TYK2: variants seen among roughly 807,000 people sequenced by gnomAD.
The protein encoded by TYK2 is tyrosine kinase 2, also known as non-receptor tyrosine-protein kinase TYK2.
Under a neutral mutation model 130.9 loss-of-function variants are expected in TYK2, and 65 were observed. That is an observed-to-expected ratio of 0.50 (90% CI 0.41 to 0.61). TYK2 has a LOEUF of 0.61. Among genes scored for constraint, TYK2 ranks in the 20% least tolerant of loss-of-function variants. TYK2 has a pLI of 0.00. For missense variants in TYK2, 1,378 were observed against 1,610.7 expected (o/e 0.86, Z 2.47); for synonymous variants, 647 against 658.9 (o/e 0.98, Z 0.28).
In TYK2 at chr19:10,352,568, A is replaced by C; in HGVS notation, c.3201-17T>G. 2.7e-5 allele frequency: 31 copies of C among 1,131,292 alleles called. No homozygotes were observed. Among genetic ancestry groups the C allele is most frequent in the Non-Finnish European group, 3.5e-5 (28 of 789,620 alleles). 70.1% of individuals were successfully genotyped at this position (1,131,292 alleles called of 1,614,324 possible). A position where few individuals can be genotyped will look rare whatever the true frequency, so the allele number is the denominator to read the frequency against. ...GGGGCATACCTAGGGGGAGGGGGGCACTCAGGCCACGGGGGGCTGCACTGA... is the reference window on the plus strand; with the variant it reads ...GGGGCATACCTAGGGGGAGGGGGGCCCTCAGGCCACGGGGGGCTGCACTGA... On this transcript the variant is annotated splice_polypyrimidine_tract_variant and intron_variant, in intron 22 of 24. Transcript: ENST00000525621.
At position 10,379,434 on chromosome 19, in the gene TYK2, G is replaced by A. The variant is rs1468103531; in HGVS notation, c.-21+181C>T. 3.3e-5 allele frequency among the ~76,000 whole-genome samples: 5 copies of A among 150,560 alleles called. 1 individual carries two copies. Among genetic ancestry groups the A allele is most frequent in the South Asian group, 4.2e-4 (2 of 4,802 alleles). ...TCCCAGCACTTTGGGAGGCCAAGGC[G>A]GACAGATCACGAGGTCTGGAGATTG... On this transcript the variant is annotated intron_variant, in intron 2 of 24. Coordinates refer to ENST00000525621, the MANE Select transcript of TYK2 (RefSeq NM_003331.5).
chr19:10,367,427 C>A (rs2041710788), intron 5 of TYK2, among the ~76,000 whole-genome samples: 1 of 152,066 alleles, frequency 6.6e-6, no homozygotes, highest in African/African-American at 2.4e-5. Context: ...GAGTTTGAGA[C>A]CAGCCTGGCC....
In TYK2 at chr19:10,353,869, C is replaced by CA. The variant is rs763073939; in HGVS notation, c.2908+172dup. The CA allele has an allele frequency of 2.2e-5, 17 of 775,402 alleles. No individual in the cohort carries two copies. The highest frequency in any genetic ancestry group is 3.6e-5 in the Non-Finnish European group (17 of 475,778). The allele number at this position is 775,402 out of a possible 1,614,324, so 48.0% of individuals were successfully genotyped here. Reference sequence around the variant, plus strand: ...CCTGGCCCCAGCAGGTAGCACCCCCCAGATGGGAAGGAGGCAGCCCAGCCA... The same window carrying CA: ...CCTGGCCCCAGCAGGTAGCACCCCCCAAGATGGGAAGGAGGCAGCCCAGCCA... On this transcript the variant is annotated intron_variant, in intron 20 of 24. Coordinates refer to ENST00000525621, the MANE Select transcript of TYK2 (RefSeq NM_003331.5). This position sits in a 1 kb window ranked among gnomAD's most constrained non-coding sequence, Gnocchi z 6.9.
At position 10,364,745 on chromosome 19, in the gene TYK2, C is replaced by A; in HGVS notation, c.1236G>T (p.Ala412=). The A allele has an allele frequency of 6.2e-7, 1 of 1,613,922 alleles. No homozygotes were observed. The highest frequency in any genetic ancestry group is 8.5e-7 in the Non-Finnish European group (1 of 1,179,986). Residue 412 remains alanine, a synonymous_variant, in exon 9 of 25, where the codon GCG becomes GCT. Transcript: ENST00000525621. The surrounding 1 kb of genome is among the most constrained non-coding windows in gnomAD (Gnocchi z 4.9). ...CLELSLPSRA[A]ALSFVSLVDG... is the part of the protein sequence containing the mutation. The stretch of plus-strand genomic sequence containing the variant: ...CCACCAGCGACACGAAGGACAGCGC[C>A]GCAGCCCGGGAAGGCAAGCTCAGCT...
intron 3 of TYK2, among the ~76,000 whole-genome samples, chr19:10,376,978 T>C (rs2042143532): frequency 6.6e-6 from 1 of 152,058 alleles, no homozygotes; most frequent in Non-Finnish European, 1.5e-5. Flanking sequence ...CATACCTCAT[T>C]GCAGGCTTGA....
At chr19:10,352,584 G>C in intron 22 of TYK2, 33 bp from the exon 23 acceptor site, 1 of 1,039,422 alleles carries the variant, frequency 9.6e-7, no homozygotes, top group Non-Finnish European at 1.4e-6. Flanking sequence ...GCCACGGGGG[G>C]CTGCACTGAG....
In TYK2 at chr19:10,351,284, C is replaced by G. The variant is rs778861064; in HGVS notation, c.3319-122G>C. On this transcript the variant is annotated intron_variant, in intron 23 of 24. Transcript: ENST00000525621. ...GGTGGATCACCTGAGGTCAGGAGTT[C>G]GAGACCAGCCTGGCCAACATGGTGA... The G allele has an allele frequency of 2.2e-5, 16 of 719,362 alleles. No individual in the cohort carries two copies. In the Middle Eastern group the frequency reaches 1.1e-3, roughly 47 times the overall value. 44.6% of individuals were successfully genotyped at this position (719,362 alleles called of 1,614,324 possible).
At chr19:10,366,320 A>G (rs76312403) in intron 6 of TYK2, 97 bp downstream of exon 6, 5 of 1,331,944 alleles carry the variant, frequency 3.8e-6, no homozygotes, top group Non-Finnish European at 4.1e-6. Flanking sequence ...AAAAAAAAAA[A>G]GTAGAGGCAC....
At chr19:10,377,837 C>G (rs1286203614) in intron 3 of TYK2, among the ~76,000 whole-genome samples, 3 of 22,958 alleles carry the variant, frequency 1.3e-4, no homozygotes, top group African/African-American at 2.0e-4. Flanking sequence ...TGGATGGATG[C>G]GTGGGTGGAT....
At chr19:10,375,372 C>T (rs1477649078) in intron 3 of TYK2, among the ~76,000 whole-genome samples, 1 of 151,808 alleles carries the variant, frequency 6.6e-6, no homozygotes, top group Non-Finnish European at 1.5e-5. Flanking sequence ...AATCCCAGCA[C>T]TTTGGGAGGC....
Position 10,359,211 on chromosome 19 carries a change from C to T in TYK2, c.2139G>A (p.Val713=). 1 of 1,607,748 alleles carries T rather than the reference C, an allele frequency of 6.2e-7. No individual in the cohort carries two copies. The highest frequency in any genetic ancestry group is 8.5e-7 in the Non-Finnish European group (1 of 1,179,890). The part of the protein sequence containing the change: ...RGHVPMAWKM[V]VAQQLASALS... ...GGGCGCTGGCCAGCTGCTGGGCCAC[C>T]ACCATCTTCCAAGCCATGGGCACAT... is the stretch of plus-strand genomic sequence containing the variant. The change falls in exon 15 of 25, where the codon GTG becomes GTA. Residue 713 remains valine, a synonymous_variant. Coordinates refer to ENST00000525621, the MANE Select transcript of TYK2 (RefSeq NM_003331.5).
In TYK2 at chr19:10,361,604, G is replaced by C. The variant is rs2041406027; in HGVS notation, c.1960-6C>G. ...CTGGCTGTCTCGTAGAAGGCCTGTG[G>C]GGACCGGGCAGGTCAGGTGGCTGCA... On this transcript the variant is annotated splice_polypyrimidine_tract_variant and splice_region_variant and intron_variant, in intron 13 of 24. Transcript: ENST00000525621. This position sits in a 1 kb window ranked among gnomAD's most constrained non-coding sequence, Gnocchi z 4.0. 1 of 1,549,044 alleles carries C rather than the reference G, an allele frequency of 6.5e-7. No individual in the cohort carries two copies. Among genetic ancestry groups the C allele is most frequent in the Admixed American group, 2.0e-5 (1 of 51,064 alleles).
intron 3 of TYK2, among the ~76,000 whole-genome samples, chr19:10,375,366 C>T (rs573332461): frequency 1.3e-5 from 2 of 152,198 alleles, no homozygotes; most frequent in African/African-American, 2.4e-5. Context: ...GCCTGTAATC[C>T]CAGCACTTTG....
At chr19:10,369,144 T>C (rs898514121) in intron 3 of TYK2, among the ~76,000 whole-genome samples, 4 of 152,032 alleles carry the variant, frequency 2.6e-5, no homozygotes, top group Admixed American at 1.3e-4. Context: ...TTTGGGGGGA[T>C]TGCTTATTCC....
rs200823010 is a variant in TYK2, at chr19:10,355,663, GA to G, written c.2617+904del. Among the ~76,000 whole-genome samples the G allele has an allele frequency of 4.0e-3, 490 of 122,978 alleles. 3 individuals carry two copies. The highest frequency in any genetic ancestry group is 0.013 in the African/African-American group (396 of 31,648). The allele number at this position is 122,978 out of a possible 152,430, so 80.7% of individuals were successfully genotyped here. ...CTCAAAAAAAAAAAAAAGAAAGAAA[GA>G]AAAAAAAAAAGAAAATAGGTCAGGC... On this transcript the variant is annotated intron_variant, in intron 18 of 24. Coordinates refer to ENST00000525621, the MANE Select transcript of TYK2 (RefSeq NM_003331.5).
In TYK2 at chr19:10,365,538, CTCT is replaced by C; in HGVS notation, c.987_989del (p.Glu332del). On this transcript the variant is annotated inframe_deletion, in exon 7 of 25. Coordinates refer to ENST00000525621, the MANE Select transcript of TYK2 (RefSeq NM_003331.5). ...TCACCTCCTCCTTGTTCACCTCCTC[CTCT>C]ACTGGCCACCACTGGATGCCACCAG... is the stretch of plus-strand genomic sequence containing the variant. The C allele has an allele frequency of 6.2e-7, 1 of 1,614,088 alleles. No homozygotes were observed. The highest frequency in any genetic ancestry group is 8.5e-7 in the Non-Finnish European group (1 of 1,180,006).
chr19:10,365,790 C>T lies in TYK2; in HGVS notation c.738G>A (p.Gln246=), dbSNP rs974773190. 1.2e-6 allele frequency: 2 copies of T among 1,612,310 alleles called. No homozygotes were observed. ...NVFRRFLRDF[Q]PGRLSQQMVM... is the part of the protein sequence containing the mutation. ...CCATCTGCTGGGAGAGTCGGCCCGG[C>T]TGGAAGTCCCGCAGGAACCTGCGGA... Residue 246 remains glutamine (Q), a synonymous_variant, in exon 7 of 25, where the codon CAG becomes CAA. Transcript: ENST00000525621.
At chr19:10,380,211 C>A (rs937876563) in intron 1 of TYK2, among the ~76,000 whole-genome samples, 169 bp downstream of exon 1, 1 of 152,222 alleles carries the variant, frequency 6.6e-6, no homozygotes, top group African/African-American at 2.4e-5. Context: ...GGGGCTTTCG[C>A]GGAGCCTACT....
At chr19:10,352,296 T>G in intron 23 of TYK2, 138 bp downstream of exon 23, 1 of 702,850 alleles carries the variant, frequency 1.4e-6, no homozygotes, top group Non-Finnish European at 2.6e-6. Context: ...TTGGTCTCGA[T>G]CTCCTGACCT....
Sources: allele counts gnomAD v4.1 joint callset (sites outside exome capture counted in the v4.1 genomes callset), GRCh38; gene constraint gnomAD v4.1.1; non-coding constraint Gnocchi (gnomAD v3.1); transcripts MANE v1.5; gene names NCBI Gene and HGNC (gene_info 2026-07-23, HGNC 2026-07-21).